The following ZNF679 variants were observed in gnomAD, a reference collection of about 807,000 sequenced individuals.
ZNF679 encodes the protein hypothetical protein MGC42415.
In ZNF679, 10 loss-of-function variants were observed where a neutral mutation model predicts 13.4. That is an observed-to-expected ratio of 0.75 (90% CI 0.46 to 1.27). The LOEUF (loss-of-function observed/expected upper bound fraction) is 1.27. ZNF679 is among the 50% of genes most tolerant of loss of function. The pLI is 0.00. For synonymous variants in ZNF679, 179 were observed against 162.5 expected, an observed-to-expected ratio of 1.10 and a Z score of -0.77; for missense variants, 525 against 477.8, an observed-to-expected ratio of 1.10 and a Z score of -0.92.
chr7:64,264,333 A>G (rs1788116742), intron 4 of ZNF679, among the ~76,000 whole-genome samples: 1 of 151,972 alleles, frequency 6.6e-6, no homozygotes, highest in South Asian at 2.1e-4. Context: ...GTTGATAATT[A>G]TATCTTTTTA....
intron 1 of ZNF679, among the ~76,000 whole-genome samples, chr7:64,243,024 G>A (rs1787818590): frequency 6.6e-6 from 1 of 152,138 alleles, no homozygotes; most frequent in Non-Finnish European, 1.5e-5. Flanking sequence ...GAGGGAGACA[G>A]TTTTAATTGT....
At chr7:64,258,122 C>A (rs1410218816) in intron 2 of ZNF679, among the ~76,000 whole-genome samples, 1 of 151,972 alleles carries the variant, frequency 6.6e-6, no homozygotes, top group Non-Finnish European at 1.5e-5. Flanking sequence ...TAGGGGAGGG[C>A]AGGGAAAAAG....
intron 2 of ZNF679, among the ~76,000 whole-genome samples, chr7:64,252,424 TAA>T (rs980424583): frequency 6.6e-6 from 1 of 152,232 alleles, no homozygotes; most frequent in African/African-American, 2.4e-5. Flanking sequence ...TTCTGTTTGT[TAA>T]AAATTTGCAT....
chr7:64,243,412 G>C (rs1245841210), intron 1 of ZNF679, among the ~76,000 whole-genome samples: 1 of 152,142 alleles, frequency 6.6e-6, no homozygotes, highest in Non-Finnish European at 1.5e-5. Flanking sequence ...GCTAGGAAAA[G>C]CAATATGTCA....
chr7:64,244,278 GCTGA>G (rs1385563490), intron 1 of ZNF679, among the ~76,000 whole-genome samples: 1 of 152,000 alleles, frequency 6.6e-6, no homozygotes, highest in Non-Finnish European at 1.5e-5. Flanking sequence ...TAATAATTAA[GCTGA>G]CTTTTAACTG....
chr7:64,265,961 G>A lies in ZNF679; in HGVS notation c.328G>A (p.Val110Ile), dbSNP rs777698491. 2 of 1,613,788 alleles carry A rather than the reference G, an allele frequency of 1.2e-6. No homozygotes were observed. Among genetic ancestry groups the A allele is most frequent in the South Asian group, 2.2e-5 (2 of 91,072 alleles). Residue 110 changes from valine (V) to isoleucine (I), a missense_variant, in exon 5 of 5, where the codon GTA (valine) becomes ATA (isoleucine). Physicochemically the swap from Val to Ile is conservative, Grantham distance 29 (BLOSUM62 3). Coordinates refer to ENST00000421025, the MANE Select transcript of ZNF679 (RefSeq NM_153363.3). ...ELGIKDSLQK[V>I]IPRRYGKSGH... ...AGGCATAAAAGATTCACTCCAAAAA[G>A]TAATACCAAGAAGATATGGAAAAAG...
At chr7:64,233,253 C>CAAAAAA (rs71060564) in intron 1 of ZNF679, among the ~76,000 whole-genome samples, 1 of 126,254 alleles carries the variant, frequency 7.9e-6, no homozygotes, top group East Asian at 2.2e-4. Flanking sequence ...AACAAATAAA[C>CAAAAAA]AAAAAAAAAA....
chr7:64,255,149 G>C (rs914259615), intron 2 of ZNF679, among the ~76,000 whole-genome samples: 1 of 152,060 alleles, frequency 6.6e-6, no homozygotes, highest in Non-Finnish European at 1.5e-5. Context: ...CACACAGGCT[G>C]TCACACTGCA....
rs761257656 is a variant in ZNF679, at chr7:64,236,918, GAAAGAAGAAAGA to G, written c.-91+8269_-91+8280del. ...AAAGAAAAAGAAAAAAAGAAAGAAAGAAAGAAGAAAGAAAGAAAGAAAGAAAGAAAGAAAGAA... is the reference window on the plus strand; with the variant it reads ...AAAGAAAAAGAAAAAAAGAAAGAAAGAAGAAAGAAAGAAAGAAAGAAAGAA... On this transcript the variant is annotated intron_variant, in intron 1 of 4. Transcript: ENST00000421025. Among the ~76,000 whole-genome samples, 21 of 99,198 alleles carry G rather than the reference GAAAGAAGAAAGA, an allele frequency of 2.1e-4. 1 individual carries two copies. The highest frequency in any genetic ancestry group is 1.5e-3 in the East Asian group (5 of 3,238). The allele number at this position is 99,198 out of a possible 152,430, so 65.1% of individuals were successfully genotyped here.
chr7:64,264,517 G>A (rs118044004), intron 4 of ZNF679, among the ~76,000 whole-genome samples: 2,755 of 151,960 alleles, frequency 0.018, 49 homozygotes, highest in Admixed American at 0.052. Flanking sequence ...GTTATTTTAA[G>A]CGGCAGGACC....
intron 1 of ZNF679, among the ~76,000 whole-genome samples, chr7:64,229,697 G>A (rs1327978769): frequency 6.6e-6 from 1 of 152,114 alleles, no homozygotes; most frequent in Non-Finnish European, 1.5e-5. Context: ...CCTTACCTGT[G>A]TCCCTAAATC....
intron 1 of ZNF679, among the ~76,000 whole-genome samples, chr7:64,234,284 C>T (rs1271905197): frequency 6.6e-6 from 1 of 152,184 alleles, no homozygotes; most frequent in African/African-American, 2.4e-5. Flanking sequence ...CAAATGTGTG[C>T]ACTCAAACAG....
chr7:64,234,446 T>A (rs1787681187), intron 1 of ZNF679, among the ~76,000 whole-genome samples: 2 of 152,060 alleles, frequency 1.3e-5, no homozygotes, highest in Admixed American at 1.3e-4. Context: ...GGGAGCAAAT[T>A]GAGTAAAATG....
At chr7:64,236,579 G>A (rs1338184589) in intron 1 of ZNF679, among the ~76,000 whole-genome samples, 1 of 152,072 alleles carries the variant, frequency 6.6e-6, no homozygotes, top group Non-Finnish European at 1.5e-5. Flanking sequence ...AAGGTCAGGA[G>A]TTTGAGACCA....
At chr7:64,236,655 A>T (rs1787716460) in intron 1 of ZNF679, among the ~76,000 whole-genome samples, 1 of 151,596 alleles carries the variant, frequency 6.6e-6, no homozygotes, top group Admixed American at 6.6e-5. Flanking sequence ...TAGTGCACGC[A>T]CTTGTACTTC....
intron 4 of ZNF679, among the ~76,000 whole-genome samples, chr7:64,261,660 T>C (rs1788078716): frequency 6.6e-6 from 1 of 152,118 alleles, no homozygotes; most frequent in South Asian, 2.1e-4. Context: ...TCAATTTCTT[T>C]ACATCAACAT....
rs1448753322 is a variant in ZNF679 at position 64,266,875 on chromosome 7, T to C, written c.*6T>C. 1.3e-6 allele frequency: 2 copies of C among 1,552,520 alleles called. No homozygotes were observed. Among genetic ancestry groups the C allele is most frequent in the Non-Finnish European group, 1.7e-6 (2 of 1,150,024 alleles). ...AACCCTACAAATGTGAATAATGTGA[T>C]AAAGTCCAGCCTTCAGACCTTATAA... is the stretch of plus-strand genomic sequence containing the variant. On this transcript the variant is annotated 3_prime_UTR_variant, in exon 5 of 5. Transcript: ENST00000421025.
rs764995002 is a variant in ZNF679, at chr7:64,266,038, G to A, written c.405G>A (p.Glu135=). ...CATGTAAAAGCATGGGTGAGTGTGA[G>A]GTGCAAAAAGGAGGTTGTAATGAAG... ...VKTCKSMGEC[E]VQKGGCNEVN... Residue 135 remains glutamate (E), a synonymous_variant, in exon 5 of 5, where the codon GAG becomes GAA. Coordinates refer to ENST00000421025, the MANE Select transcript of ZNF679 (RefSeq NM_153363.3). 6 of 1,613,192 alleles carry A rather than the reference G, an allele frequency of 3.7e-6. No homozygotes were observed. The highest frequency in any genetic ancestry group is 3.3e-5 in the Admixed American group (2 of 59,826).
intron 1 of ZNF679, among the ~76,000 whole-genome samples, chr7:64,236,390 G>A (rs1240196878): frequency 6.6e-6 from 1 of 151,986 alleles, no homozygotes; most frequent in Admixed American, 6.6e-5. Flanking sequence ...TTGATTTCCA[G>A]TAGGGTTTGT....
Sources: gnomAD v4.1 joint callset for allele counts (sites outside exome capture counted in the v4.1 genomes callset) on GRCh38, gnomAD v4.1.1 for gene constraint, MANE v1.5 for transcripts, NCBI Gene and HGNC (gene_info 2026-07-23, HGNC 2026-07-21) for gene names.